DSCAM: variants seen among roughly 807,000 people sequenced by gnomAD.
DSCAM encodes the protein cell adhesion molecule DSCAM.
A neutral mutation model predicts 217.7 loss-of-function variants in DSCAM; 47 were observed. The observed-to-expected ratio is 0.22, with a 90% confidence interval of 0.17 to 0.28. The LOEUF (loss-of-function observed/expected upper bound fraction) is 0.28, where lower values mean the gene tolerates loss of function less well. DSCAM is among the 10% of genes least tolerant of loss of function. The pLI is 1.00. For missense variants in DSCAM, 2,080 were observed against 2,618.3 expected (o/e 0.79, Z 4.49); for synonymous variants, 1,056 against 1,015.3 (o/e 1.04, Z -0.76).
intron 1 of DSCAM, among the ~76,000 whole-genome samples, chr21:40,784,373 C>T (rs1157362623): frequency 6.6e-6 from 1 of 152,160 alleles, no homozygotes; most frequent in African/African-American, 2.4e-5. Context: ...CTTTCACCTT[C>T]CACCATGATT....
At chr21:40,317,019 C>T (rs1484997946) in intron 8 of DSCAM, among the ~76,000 whole-genome samples, 1 of 152,168 alleles carries the variant, frequency 6.6e-6, no homozygotes, top group Non-Finnish European at 1.5e-5. Context: ...CTCTGCGATT[C>T]TATCTCTTCA....
At chr21:40,021,384 T>C (rs2088269513) in intron 32 of DSCAM, among the ~76,000 whole-genome samples, 1 of 151,982 alleles carries the variant, frequency 6.6e-6, no homozygotes, top group Non-Finnish European at 1.5e-5. Flanking sequence ...TGAGAATAAA[T>C]GTGTACCACC....
chr21:40,202,315 G>A (rs1244702584), intron 11 of DSCAM, among the ~76,000 whole-genome samples: 1 of 152,228 alleles, frequency 6.6e-6, no homozygotes, highest in Non-Finnish European at 1.5e-5. Flanking sequence ...TAACTTTTGA[G>A]CAGCTGCTTT....
intron 1 of DSCAM, among the ~76,000 whole-genome samples, chr21:40,744,226 G>A (rs1008045458): frequency 1.3e-5 from 2 of 152,172 alleles, no homozygotes; most frequent in African/African-American, 4.8e-5. Context: ...AGAGCTAGGA[G>A]GGCTGAACTA....
chr21:40,020,620 G>A (rs1404638593), intron 32 of DSCAM, among the ~76,000 whole-genome samples: 2 of 152,086 alleles, frequency 1.3e-5, no homozygotes, highest in Admixed American at 1.3e-4. Flanking sequence ...CATGGAGAAG[G>A]AAAGGACTAG....
chr21:40,488,401 G>A (rs2146004746), intron 3 of DSCAM, among the ~76,000 whole-genome samples: 1 of 152,312 alleles, frequency 6.6e-6, no homozygotes. Context: ...CTATTTGAAG[G>A]CTCAGTCATG....
intron 1 of DSCAM, among the ~76,000 whole-genome samples, chr21:40,833,008 T>C (rs1331933151): frequency 6.6e-6 from 1 of 152,172 alleles, no homozygotes; most frequent in Non-Finnish European, 1.5e-5. Flanking sequence ...CAAAACCAGA[T>C]GATGTCGTGC....
At chr21:40,457,436 C>T (rs972834723) in intron 3 of DSCAM, among the ~76,000 whole-genome samples, 9 of 151,922 alleles carry the variant, frequency 5.9e-5, no homozygotes, top group Non-Finnish European at 5.9e-5. Flanking sequence ...TGCTTGAGCC[C>T]GGGAGTTTGA....
At chr21:40,827,853 C>T (rs1161574507) in intron 1 of DSCAM, among the ~76,000 whole-genome samples, 2 of 152,154 alleles carry the variant, frequency 1.3e-5, no homozygotes, top group Non-Finnish European at 2.9e-5. Context: ...CTGTAAGGAC[C>T]TCACATCAAG....
intron 3 of DSCAM, among the ~76,000 whole-genome samples, chr21:40,425,808 T>C (rs372480644): frequency 6.6e-6 from 1 of 152,146 alleles, no homozygotes; most frequent in Non-Finnish European, 1.5e-5. Context: ...ACCTTCAGCA[T>C]GTATATACAC....
chr21:40,071,596 T>C (rs1485131587), intron 27 of DSCAM, among the ~76,000 whole-genome samples: 1 of 152,230 alleles, frequency 6.6e-6, no homozygotes, highest in African/African-American at 2.4e-5. Flanking sequence ...TGGGGATCCC[T>C]ATAATATTTT....
intron 5 of DSCAM, among the ~76,000 whole-genome samples, chr21:40,349,793 A>G (rs1917134214): frequency 6.6e-6 from 1 of 152,196 alleles, no homozygotes; most frequent in African/African-American, 2.4e-5. Context: ...TGAGCAGAGA[A>G]AATCTGATGA....
chr21:40,081,323 A>AT (rs11366586), intron 24 of DSCAM, among the ~76,000 whole-genome samples: 14 of 151,614 alleles, frequency 9.2e-5, no homozygotes, highest in Admixed American at 1.3e-4. Flanking sequence ...AAAATAAAGC[A>AT]TTTTTTTTCC....
intron 3 of DSCAM, among the ~76,000 whole-genome samples, chr21:40,487,960 G>A (rs1055962916): frequency 2.6e-5 from 4 of 152,128 alleles, no homozygotes; most frequent in East Asian, 1.9e-4. Flanking sequence ...ATGGCACTTC[G>A]CAAACTAAGG....
At chr21:40,064,290 AAGG>A in intron 27 of DSCAM, among the ~76,000 whole-genome samples, 1 of 152,138 alleles carries the variant, frequency 6.6e-6, no homozygotes, top group East Asian at 1.9e-4. Context: ...AAACAAATTC[AAGG>A]AGTAAACATC....
chr21:40,032,091 C>T (rs887773830), intron 32 of DSCAM, among the ~76,000 whole-genome samples: 1 of 152,180 alleles, frequency 6.6e-6, no homozygotes, highest in African/African-American at 2.4e-5. Flanking sequence ...ATTCAAGATG[C>T]ACATTGTTGT....
At chr21:40,021,063 G>C (rs920523846) in intron 32 of DSCAM, among the ~76,000 whole-genome samples, 2 of 151,632 alleles carry the variant, frequency 1.3e-5, no homozygotes, top group African/African-American at 4.8e-5. Flanking sequence ...AGGCTGGGGG[G>C]GTGTGAGGGA....
intron 3 of DSCAM, among the ~76,000 whole-genome samples, chr21:40,507,637 A>C (rs1398979227): frequency 6.6e-6 from 1 of 151,900 alleles, no homozygotes; most frequent in Non-Finnish European, 1.5e-5. Context: ...AAAAAACACA[A>C]AAGTTAGCTG....
At chr21:40,704,815 C>T (rs996798370) in intron 2 of DSCAM, among the ~76,000 whole-genome samples, 1 of 152,102 alleles carries the variant, frequency 6.6e-6, no homozygotes, top group Non-Finnish European at 1.5e-5. Context: ...ATGACTGCAA[C>T]AGGGAAGGGT....
Sources: gnomAD v4.1 joint callset for allele counts (sites outside exome capture counted in the v4.1 genomes callset) on GRCh38, gnomAD v4.1.1 for gene constraint, MANE v1.5 for transcripts, NCBI Gene and HGNC (gene_info 2026-07-23, HGNC 2026-07-21) for gene names.